Variants in GRM3 observed in about 807,000 individuals in gnomAD.
GRM3 encodes the protein metabotropic glutamate receptor 3.
GRM3 carries 26 observed loss-of-function variants against 70.5 expected under a neutral mutation model. The observed-to-expected ratio is 0.37, with a 90% CI of 0.27 to 0.51. GRM3 has a LOEUF of 0.51. Ranked by LOEUF, GRM3 falls within the 20% of genes least tolerant of loss-of-function variation. The pLI, the probability that GRM3 is intolerant of heterozygous loss-of-function variation, is 0.93. For missense variants in GRM3, 859 were observed against 1,123.8 expected (o/e 0.76, Z 3.37); for synonymous variants, 443 against 434.9 (o/e 1.02, Z -0.23).
At chr7:86,858,453 G>A (rs559726725) in intron 5 of GRM3, among the ~76,000 whole-genome samples, 17 of 152,024 alleles carry the variant, frequency 1.1e-4, no homozygotes, top group Non-Finnish European at 2.4e-4. Context: ...CCCCATGATG[G>A]GACTGATGGC....
intron 3 of GRM3, among the ~76,000 whole-genome samples, chr7:86,788,802 G>T (rs1797334817): frequency 6.6e-6 from 1 of 152,076 alleles, no homozygotes; most frequent in African/African-American, 2.4e-5. Flanking sequence ...ACCCTTCAGG[G>T]TATTATTTAT....
At chr7:86,728,167 C>T (rs1795636460) in intron 1 of GRM3, among the ~76,000 whole-genome samples, 1 of 152,076 alleles carries the variant, frequency 6.6e-6, no homozygotes, top group Non-Finnish European at 1.5e-5. Flanking sequence ...TGCCTGTCTC[C>T]CCCATTGCTT....
chr7:86,714,647 C>A (rs1027656144), intron 1 of GRM3, among the ~76,000 whole-genome samples: 17 of 151,994 alleles, frequency 1.1e-4, no homozygotes, highest in African/African-American at 4.1e-4. Flanking sequence ...ATCTTTGCAT[C>A]CATTTAAAAA....
chr7:86,851,840 G>C (rs993250729), intron 5 of GRM3, among the ~76,000 whole-genome samples: 1 of 152,108 alleles, frequency 6.6e-6, no homozygotes, highest in Admixed American at 6.6e-5. Flanking sequence ...TTGATTTCTT[G>C]AGCAAACAAA....
At chr7:86,851,239 C>T (rs1184719398) in intron 5 of GRM3, among the ~76,000 whole-genome samples, 1 of 152,146 alleles carries the variant, frequency 6.6e-6, no homozygotes, top group Admixed American at 6.6e-5. Flanking sequence ...ACTTCAATGA[C>T]ACAATGTTTT....
intron 2 of GRM3, among the ~76,000 whole-genome samples, chr7:86,773,197 T>C (rs1796791078): frequency 6.6e-6 from 1 of 151,982 alleles, no homozygotes; most frequent in Non-Finnish European, 1.5e-5. Flanking sequence ...TTGCCGTCTT[T>C]ATGTACATGT....
chr7:86,828,066 C>G (rs566923506), intron 3 of GRM3, among the ~76,000 whole-genome samples: 1 of 134,198 alleles, frequency 7.5e-6, no homozygotes, highest in Non-Finnish European at 1.5e-5. Context: ...GAGCCGAGAT[C>G]GTGCCACTGC....
At chr7:86,816,519 C>T (rs541896374) in intron 3 of GRM3, among the ~76,000 whole-genome samples, 1 of 151,854 alleles carries the variant, frequency 6.6e-6, no homozygotes, top group Non-Finnish European at 1.5e-5. Context: ...ATGTTTAGCT[C>T]CCACTTGCAA....
At position 86,839,217 on chromosome 7, in the gene GRM3, A is replaced by G; in HGVS notation, c.1703A>G (p.Asp568Gly). Residue 568 changes from aspartate to glycine, a missense_variant, in exon 4 of 6, where the codon GAC becomes GGC. Transcript: ENST00000361669. The surrounding 1 kb of genome is among the most constrained non-coding windows in gnomAD (Gnocchi z 4.5). ...ACTGGATGCTATGACCTTCCTGAGGACTACATCAGGTGGGAAGACGCCTGG... is the reference window on the plus strand; with the variant it reads ...ACTGGATGCTATGACCTTCCTGAGGGCTACATCAGGTGGGAAGACGCCTGG... ...DLTGCYDLPE[D>G]YIRWEDAWAI... 6.2e-7 allele frequency: 1 copy of G among 1,613,332 alleles called. No homozygotes were observed. Among genetic ancestry groups the G allele is most frequent in the Non-Finnish European group, 8.5e-7 (1 of 1,179,264 alleles).
intron 2 of GRM3, among the ~76,000 whole-genome samples, chr7:86,765,934 TG>T (rs1796590456): frequency 6.6e-6 from 1 of 152,098 alleles, no homozygotes; most frequent in South Asian, 2.1e-4. Context: ...TGGGTTTCAC[TG>T]GGGGCAGCTC....
At chr7:86,659,612 A>T (rs1386750010) in intron 1 of GRM3, among the ~76,000 whole-genome samples, 1 of 152,126 alleles carries the variant, frequency 6.6e-6, no homozygotes, top group Non-Finnish European at 1.5e-5. Flanking sequence ...CTTGATTTGA[A>T]AATGAGAAAC....
In GRM3 at chr7:86,792,863, T is replaced by C. The variant is rs73706810; in HGVS notation, c.1324+5747T>C. On this transcript the variant is annotated intron_variant, in intron 3 of 5. Coordinates refer to ENST00000361669, the MANE Select transcript of GRM3 (RefSeq NM_000840.3). ...AAAAGATCTAGGATCCCTGAAGAAA[T>C]CTTACTCCCAGGGCTTCACTTATAT... Among the ~76,000 whole-genome samples the C allele has an allele frequency of 7.1e-3, 1,069 of 151,530 alleles. 16 individuals carry two copies. Among genetic ancestry groups the C allele is most frequent in the African/African-American group, 0.024 (1,007 of 41,498 alleles).
intron 1 of GRM3, among the ~76,000 whole-genome samples, chr7:86,706,677 G>A (rs144056943): frequency 0.023 from 3,428 of 152,088 alleles, 54 homozygotes; most frequent in Non-Finnish European, 0.036. Context: ...TGTTGAATGA[G>A]GGAGAGAGGA....
At chr7:86,674,218 G>A (rs2079638177) in intron 1 of GRM3, among the ~76,000 whole-genome samples, 1 of 151,830 alleles carries the variant, frequency 6.6e-6, no homozygotes, top group Non-Finnish European at 1.5e-5. Context: ...GGCTTGACCA[G>A]GACCAAAAGA....
At chr7:86,831,539 T>C (rs1016659786) in intron 3 of GRM3, among the ~76,000 whole-genome samples, 1 of 152,058 alleles carries the variant, frequency 6.6e-6, no homozygotes, top group African/African-American at 2.4e-5. Context: ...GTTAGCCCTG[T>C]CCCCTGAATT....
chr7:86,834,598 T>A (rs902139819), intron 3 of GRM3, among the ~76,000 whole-genome samples: 2 of 151,972 alleles, frequency 1.3e-5, no homozygotes, highest in Admixed American at 6.6e-5. Flanking sequence ...TTTTTTTTTT[T>A]TTATTTTCTG....
intron 1 of GRM3, among the ~76,000 whole-genome samples, chr7:86,677,092 C>G (rs1794324859): frequency 6.6e-6 from 1 of 152,054 alleles, no homozygotes; most frequent in African/African-American, 2.4e-5. Context: ...GTTGGTATAA[C>G]TGTTTGGAGC....
rs2116735074 is a variant in GRM3, at chr7:86,839,002, T to C, written c.1488T>C (p.Ser496=). ...AAACCTTATCGCTAGATGTCAACTCTATCCACTGGTCCCGGAACTCAGTCC... is the reference window on the plus strand; with the variant it reads ...AAACCTTATCGCTAGATGTCAACTCCATCCACTGGTCCCGGAACTCAGTCC... ...WAETLSLDVN[S]IHWSRNSVPT... The change falls in exon 4 of 6, where the codon TCT becomes TCC. Residue 496 remains serine (S), a synonymous_variant. Coordinates refer to ENST00000361669, the MANE Select transcript of GRM3 (RefSeq NM_000840.3). This position sits in a 1 kb window ranked among gnomAD's most constrained non-coding sequence, Gnocchi z 4.5. 1.9e-6 allele frequency: 3 copies of C among 1,614,146 alleles called. No homozygotes were observed. Among genetic ancestry groups the C allele is most frequent in the Non-Finnish European group, 2.5e-6 (3 of 1,179,996 alleles).
chr7:86,790,553 T>C (rs1474321980), intron 3 of GRM3, among the ~76,000 whole-genome samples: 1 of 152,116 alleles, frequency 6.6e-6, no homozygotes, highest in Non-Finnish European at 1.5e-5. Flanking sequence ...ACCACTTGAG[T>C]TCCCTTGTTT....
Sources: gnomAD v4.1 joint callset for allele counts (sites outside exome capture counted in the v4.1 genomes callset) on GRCh38, gnomAD v4.1.1 for gene constraint, Gnocchi (gnomAD v3.1) non-coding constraint, MANE v1.5 for transcripts, NCBI Gene and HGNC (gene_info 2026-07-23, HGNC 2026-07-21) for gene names.